Variants in HNF4G observed in about 807,000 individuals in gnomAD.
HNF4G encodes the protein hepatocyte nuclear factor 4-gamma.
A neutral mutation model predicts 50.9 loss-of-function variants in HNF4G; 21 were observed. The ratio of observed to expected loss-of-function variants is 0.41; its 90% CI spans 0.29 to 0.59. HNF4G has a LOEUF of 0.59. HNF4G is among the 20% of genes least tolerant of loss of function. The pLI, the probability that HNF4G is intolerant of heterozygous loss-of-function variation, is 0.26. For synonymous variants in HNF4G, 198 were observed against 185.6 expected, an observed-to-expected ratio of 1.07 and a Z score of -0.54; for missense variants, 527 against 559.4, an observed-to-expected ratio of 0.94 and a Z score of 0.58.
chr8:75,422,107 T>A (rs1333979775), intron 1 of HNF4G, among the ~76,000 whole-genome samples: 1 of 151,964 alleles, frequency 6.6e-6, no homozygotes, highest in Non-Finnish European at 1.5e-5. Context: ...CAATACAAGC[T>A]CCCTAGTGAC....
chr8:75,496,299 G>A (rs2130694943), intron 2 of HNF4G, among the ~76,000 whole-genome samples: 1 of 151,794 alleles, frequency 6.6e-6, no homozygotes, highest in East Asian at 1.9e-4. Flanking sequence ...TTTTTTTCTT[G>A]TCATGAGCTT....
At chr8:75,552,978 A>G (rs1399665937) in intron 4 of HNF4G, 64 bp from the exon 5 acceptor site, 2 of 1,217,058 alleles carry the variant, frequency 1.6e-6, no homozygotes, top group Non-Finnish European at 2.3e-6. Flanking sequence ...AGTCAAAAGA[A>G]AAAAAGGGGA....
chr8:75,507,113 A>T (rs1805604939), intron 2 of HNF4G, among the ~76,000 whole-genome samples: 1 of 152,180 alleles, frequency 6.6e-6, no homozygotes. Context: ...ATTTTGTGTA[A>T]ACATATAGAT....
At chr8:75,490,779 TG>T (rs2130681201) in intron 2 of HNF4G, among the ~76,000 whole-genome samples, 1 of 152,346 alleles carries the variant, frequency 6.6e-6, no homozygotes, top group African/African-American at 2.4e-5. Context: ...CAATATTTTT[TG>T]TCCAGTAAAC....
chr8:75,496,743 A>G (rs1812777758), intron 2 of HNF4G, among the ~76,000 whole-genome samples: 1 of 152,046 alleles, frequency 6.6e-6, no homozygotes, highest in Non-Finnish European at 1.5e-5. Flanking sequence ...GGAGAAAAAG[A>G]CATAGAAAAC....
chr8:75,435,495 G>C (rs563629088), intron 1 of HNF4G, among the ~76,000 whole-genome samples: 34 of 152,152 alleles, frequency 2.2e-4, no homozygotes, highest in Admixed American at 3.9e-4. Flanking sequence ...AATGATGCCT[G>C]TTTTCACCAC....
chr8:75,407,694 C>T (rs1053127134), upstream of HNF4G, among the ~76,000 whole-genome samples: 2 of 152,228 alleles, frequency 1.3e-5, no homozygotes, highest in Non-Finnish European at 2.9e-5. Context: ...AGCTAATATT[C>T]TCCCAGCATA....
At chr8:75,550,028 A>G (rs773652068) in intron 3 of HNF4G, among the ~76,000 whole-genome samples, 4 of 152,118 alleles carry the variant, frequency 2.6e-5, no homozygotes, top group Non-Finnish European at 5.9e-5. Context: ...TCTTTCTTAA[A>G]AGCAAAAAGT....
intron 1 of HNF4G, among the ~76,000 whole-genome samples, chr8:75,542,418 A>T (rs1806649509): frequency 6.6e-6 from 1 of 152,052 alleles, no homozygotes; most frequent in African/African-American, 2.4e-5. Context: ...AAAATGTGAG[A>T]CTTTAACAGA....
intron 1 of HNF4G, among the ~76,000 whole-genome samples, chr8:75,418,375 G>A (rs6993283): frequency 0.22 from 33,816 of 152,034 alleles, 4,315 homozygotes; most frequent in Non-Finnish European, 0.29. Context: ...AATAATAACA[G>A]GGCAACCATA....
intron 2 of HNF4G, among the ~76,000 whole-genome samples, chr8:75,525,370 G>A (rs1392470177): frequency 6.6e-6 from 1 of 152,072 alleles, no homozygotes; most frequent in Non-Finnish European, 1.5e-5. Context: ...GGGTTTCACC[G>A]CGTTAGCCAG....
At position 75,547,880 on chromosome 8, in the gene HNF4G, G is replaced by A. The variant is rs143358264; in HGVS notation, c.382+199G>A. The stretch of plus-strand genomic sequence containing the variant: ...GAGTGGTATAGCCAGTATTTATCTG[G>A]TGACTACCTGATTATGGATATCATT... On this transcript the variant is annotated intron_variant, in intron 3 of 9. Coordinates refer to ENST00000396423, the MANE Select transcript of HNF4G (RefSeq NM_004133.5). 4.0e-3 allele frequency among the ~76,000 whole-genome samples: 616 copies of A among 152,164 alleles called. 1 individual carries two copies. Among genetic ancestry groups the A allele is most frequent in the Non-Finnish European group, 6.0e-3 (405 of 68,010 alleles).
chr8:75,540,849 G>GTA (rs1366589405), intron 1 of HNF4G, among the ~76,000 whole-genome samples: 1 of 125,326 alleles, frequency 8.0e-6, no homozygotes, highest in African/African-American at 3.3e-5. Context: ...TGGAAAATGT[G>GTA]TATGTGTGTG....
chr8:75,532,430 T>G (rs147801108), intron 2 of HNF4G, among the ~76,000 whole-genome samples: 155 of 152,220 alleles, frequency 1.0e-3, no homozygotes, highest in African/African-American at 3.6e-3. Context: ...ACATCGCCAT[T>G]TAGAAATATG....
In HNF4G at chr8:75,566,469, T is replaced by A. The variant is rs977653230; in HGVS notation, c.*2373T>A. 1.3e-5 allele frequency: 2 copies of A among 152,592 alleles called. No individual in the cohort carries two copies. Among genetic ancestry groups the A allele is most frequent in the African/African-American group, 4.8e-5 (2 of 41,442 alleles). The allele number at this position is 152,592 out of a possible 1,614,324, so 9.5% of individuals were successfully genotyped here. A position where few individuals can be genotyped will look rare whatever the true frequency, so the allele number is the denominator to read the frequency against. On this transcript the variant is annotated 3_prime_UTR_variant, in exon 10 of 10. Transcript: ENST00000396423. Reference sequence around the variant, plus strand: ...TACTAAACAGCTGTATCTTTGAAATTGTTAGTAATGATTCTGCTTCAATAA... The same window carrying A: ...TACTAAACAGCTGTATCTTTGAAATAGTTAGTAATGATTCTGCTTCAATAA...
At chr8:75,562,196 C>T (rs569952881) in intron 9 of HNF4G, among the ~76,000 whole-genome samples, 3 of 152,012 alleles carry the variant, frequency 2.0e-5, no homozygotes, top group South Asian at 4.1e-4. Flanking sequence ...TACCACCTGA[C>T]TTCTAGGCAT....
intron 2 of HNF4G, among the ~76,000 whole-genome samples, chr8:75,495,112 T>G (rs2130692138): frequency 6.6e-6 from 1 of 152,334 alleles, no homozygotes; most frequent in Admixed American, 6.5e-5. Context: ...TGACTTTTGC[T>G]TATTCTATTT....
At chr8:75,433,217 CAT>C (rs758421578) in intron 1 of HNF4G, among the ~76,000 whole-genome samples, 4 of 151,948 alleles carry the variant, frequency 2.6e-5, no homozygotes, top group Non-Finnish European at 4.4e-5. Context: ...GCCTGGTCAA[CAT>C]AGAAAGACCC....
intron 1 of HNF4G, among the ~76,000 whole-genome samples, chr8:75,466,062 T>C (rs1811962706): frequency 2.0e-5 from 3 of 152,182 alleles, no homozygotes; most frequent in South Asian, 4.1e-4. Context: ...TTTACTATCA[T>C]TTTTAATATC....
Sources: gnomAD v4.1 joint callset for allele counts (sites outside exome capture counted in the v4.1 genomes callset) on GRCh38, gnomAD v4.1.1 for gene constraint, MANE v1.5 for transcripts, NCBI Gene and HGNC (gene_info 2026-07-23, HGNC 2026-07-21) for gene names.